TCF12: variants seen among roughly 807,000 people sequenced by gnomAD.
TCF12 encodes the protein DNA-binding protein HTF4.
A neutral mutation model predicts 86.0 loss-of-function variants in TCF12; 45 were observed. The observed-to-expected ratio is 0.52, with a 90% confidence interval of 0.41 to 0.67. The LOEUF is 0.67. TCF12 is among the 30% of genes least tolerant of loss of function. The probability of loss-of-function intolerance (pLI) is 0.00; values close to 1 mark genes in which losing one functional copy is unlikely to be tolerated. For missense variants in TCF12, 881 were observed against 859.9 expected, an observed-to-expected ratio of 1.02 and a Z score of -0.31; for synonymous variants, 330 against 299.6, an observed-to-expected ratio of 1.10 and a Z score of -1.05.
At chr15:57,161,181 A>G (rs1451746383) in intron 5 of TCF12, among the ~76,000 whole-genome samples, 2 of 152,246 alleles carry the variant, frequency 1.3e-5, no homozygotes, top group South Asian at 2.1e-4. Context: ...TGCCGATTGT[A>G]TCTTATGTCA....
chr15:56,950,096 G>C (rs979037376), intron 3 of TCF12, among the ~76,000 whole-genome samples: 1 of 152,150 alleles, frequency 6.6e-6, no homozygotes, highest in Admixed American at 6.5e-5. Context: ...TCATTCTCAA[G>C]AGCTTCTCCT....
chr15:57,177,232 A>G (rs999999462), intron 6 of TCF12, among the ~76,000 whole-genome samples: 2 of 151,940 alleles, frequency 1.3e-5, no homozygotes, highest in Non-Finnish European at 1.5e-5. Context: ...TTGTGGAAAG[A>G]AAGTCTGATC....
chr15:56,954,566 C>G (rs2061420331), intron 3 of TCF12, among the ~76,000 whole-genome samples: 1 of 152,144 alleles, frequency 6.6e-6, no homozygotes, highest in African/African-American at 2.4e-5. Flanking sequence ...CCAAAGTAGA[C>G]AAATGGGACC....
intron 18 of TCF12, among the ~76,000 whole-genome samples, chr15:57,268,416 G>C (rs1324635455): frequency 6.6e-6 from 1 of 152,064 alleles, no homozygotes; most frequent in African/African-American, 2.4e-5. Flanking sequence ...ACTTTTTAGG[G>C]ACAGAGTCTC....
chr15:57,282,343 G>A (rs1337320968), intron 19 of TCF12, 102 bp from the exon 20 acceptor site: 2 of 1,370,026 alleles, frequency 1.5e-6, no homozygotes, highest in Admixed American at 3.5e-5. Context: ...ATGGTACTTA[G>A]TATGGGAATG....
intron 5 of TCF12, among the ~76,000 whole-genome samples, chr15:57,155,903 G>A (rs2054080287): frequency 6.6e-6 from 1 of 152,122 alleles, no homozygotes; most frequent in Non-Finnish European, 1.5e-5. Context: ...CCATTTGATG[G>A]CTATTTATGT....
At chr15:56,983,133 A>G (rs751866718) in intron 3 of TCF12, among the ~76,000 whole-genome samples, 1 of 152,212 alleles carries the variant, frequency 6.6e-6, no homozygotes, top group Non-Finnish European at 1.5e-5. Context: ...AATTGCTGGC[A>G]TGCCTATTTT....
At chr15:57,185,212 C>T (rs1483604797) in intron 6 of TCF12, among the ~76,000 whole-genome samples, 10 of 152,186 alleles carry the variant, frequency 6.6e-5, no homozygotes, top group Non-Finnish European at 1.5e-5. Context: ...TGGAAAATTA[C>T]ATTCTTAATT....
chr15:57,058,457 A>G (rs1196716356), intron 3 of TCF12, among the ~76,000 whole-genome samples: 1 of 152,244 alleles, frequency 6.6e-6, no homozygotes, highest in Non-Finnish European at 1.5e-5. Flanking sequence ...AAAAACTTTA[A>G]TGGAACATCT....
chr15:57,169,834 G>C (rs550868416), intron 6 of TCF12, among the ~76,000 whole-genome samples: 6 of 152,162 alleles, frequency 3.9e-5, no homozygotes, highest in African/African-American at 2.4e-5. Flanking sequence ...TTGCTGTTTA[G>C]TTAGAGTCAG....
intron 8 of TCF12, among the ~76,000 whole-genome samples, chr15:57,201,305 G>T (rs1044201863): frequency 5.9e-5 from 9 of 152,072 alleles, no homozygotes; most frequent in Non-Finnish European, 1.2e-4. Flanking sequence ...GCAAGTAAGG[G>T]TGTGTACCAG....
intron 18 of TCF12, among the ~76,000 whole-genome samples, chr15:57,272,428 T>C (rs2061185947): frequency 1.3e-5 from 2 of 152,228 alleles, no homozygotes; most frequent in South Asian, 4.1e-4. Flanking sequence ...AACAAAAAAA[T>C]AGCCGTTTTC....
At chr15:57,181,501 A>G (rs2593241) in intron 6 of TCF12, among the ~76,000 whole-genome samples, 1 of 152,128 alleles carries the variant, frequency 6.6e-6, no homozygotes. Context: ...CTGCCTCCCT[A>G]CAAAATCATA....
At chr15:57,073,450 C>A (rs768335805) in intron 4 of TCF12, among the ~76,000 whole-genome samples, 35 of 152,080 alleles carry the variant, frequency 2.3e-4, no homozygotes, top group Admixed American at 4.6e-4. Context: ...ACAATGAAAT[C>A]ATAACCAGCA....
At chr15:56,976,641 T>C (rs1457733750) in intron 3 of TCF12, among the ~76,000 whole-genome samples, 2 of 152,120 alleles carry the variant, frequency 1.3e-5, no homozygotes, top group Non-Finnish European at 2.9e-5. Context: ...ATACTAATAT[T>C]ACCAGAAGAC....
rs189959020 is a variant in TCF12, at chr15:57,028,099, G to A, written c.149-35651G>A. 1.0e-3 allele frequency among the ~76,000 whole-genome samples: 158 copies of A among 152,134 alleles called. 2 individuals are homozygous for A. Among genetic ancestry groups the A allele is most frequent in the Admixed American group, 6.2e-3 (94 of 15,276 alleles). On this transcript the variant is annotated intron_variant, in intron 3 of 20. Transcript: ENST00000333725. ...CTGCCTCAGCCTCCTGAGTAGCTGG[G>A]AACACAGGCACGCATCACCACACCC... is the stretch of plus-strand genomic sequence containing the variant.
At chr15:57,075,839 C>CTCTCTCTCTCTCTCTCTCT (rs1567371476) in intron 4 of TCF12, among the ~76,000 whole-genome samples, 2 of 42,396 alleles carry the variant, frequency 4.7e-5, no homozygotes, top group African/African-American at 7.9e-5. Flanking sequence ...TCTCTCTTTT[C>CTCTCTCTCTCTCTCTCTCT]TTTCTTTCTT....
intron 18 of TCF12, among the ~76,000 whole-genome samples, chr15:57,269,718 G>A (rs567368588): frequency 3.2e-4 from 48 of 152,092 alleles, no homozygotes; most frequent in Middle Eastern, 3.4e-3. Context: ...CATGTTTAGC[G>A]CTTCCTTCAT....
intron 5 of TCF12, among the ~76,000 whole-genome samples, chr15:57,145,342 C>A (rs962046056): frequency 2.0e-5 from 3 of 152,064 alleles, no homozygotes; most frequent in Non-Finnish European, 4.4e-5. Context: ...CATTTATGAC[C>A]TTTGGTAATT....
Sources: gnomAD v4.1 joint callset for allele counts (sites outside exome capture counted in the v4.1 genomes callset) on GRCh38, gnomAD v4.1.1 for gene constraint, MANE v1.5 for transcripts, NCBI Gene and HGNC (gene_info 2026-07-23, HGNC 2026-07-21) for gene names.